SBF2: variants seen among roughly 807,000 people sequenced by gnomAD.
SBF2 encodes the protein myotubularin-related protein 13.
A neutral mutation model predicts 225.2 loss-of-function variants in SBF2; 112 were observed. The ratio of observed to expected loss-of-function variants is 0.50; its 90% confidence interval spans 0.43 to 0.58. The LOEUF is 0.58. Ranked by LOEUF, SBF2 falls within the 20% of genes least tolerant of loss-of-function variation. The pLI, the probability that SBF2 is intolerant of heterozygous loss-of-function variation, is 0.00. For missense variants in SBF2, 1,996 were observed against 2,206.2 expected (o/e 0.90, Z 1.91); for synonymous variants, 763 against 773.3 (o/e 0.99, Z 0.22).
In SBF2 at chr11:9,949,119, G is replaced by T. The variant is rs953252682; in HGVS notation, c.1860+12838C>A. On this transcript the variant is annotated intron_variant, in intron 16 of 39. Coordinates refer to ENST00000256190, the MANE Select transcript of SBF2 (RefSeq NM_030962.4). ...AAGAGAAAAGAAGAAGGAATGGGAG[G>T]GGGGAGAAGAAAGGTAGAAAGCACA... is the stretch of plus-strand genomic sequence containing the variant. 2.6e-5 allele frequency among the ~76,000 whole-genome samples: 4 copies of T among 152,028 alleles called. No individual in the cohort carries two copies. In the East Asian group the frequency reaches 5.8e-4, roughly 22 times the overall value.
chr11:9,850,887 G>T (rs1281889906), intron 21 of SBF2, among the ~76,000 whole-genome samples: 1 of 152,126 alleles, frequency 6.6e-6, no homozygotes, highest in Non-Finnish European at 1.5e-5. Context: ...TGTAATCCCA[G>T]CACTTTGGGA....
At chr11:10,110,359 T>C (rs1952778833) in intron 2 of SBF2, among the ~76,000 whole-genome samples, 1 of 152,156 alleles carries the variant, frequency 6.6e-6, no homozygotes, top group African/African-American at 2.4e-5. Context: ...TCCTCCATTT[T>C]TCTCGGTATT....
chr11:10,024,747 T>C (rs753358308), intron 6 of SBF2, among the ~76,000 whole-genome samples: 37 of 152,300 alleles, frequency 2.4e-4, no homozygotes, highest in Admixed American at 4.6e-4. Context: ...AAGGGGCTGA[T>C]ACAGGTAACA....
intron 29 of SBF2, among the ~76,000 whole-genome samples, chr11:9,815,579 G>C (rs532620260): frequency 6.6e-6 from 1 of 152,270 alleles, no homozygotes; most frequent in African/African-American, 2.4e-5. Flanking sequence ...AAATACGTAT[G>C]ATCACATAGC....
Position 9,789,160 on chromosome 11 carries a change from GCATGGCCACA to G in SBF2, c.4871_4880del (p.Val1624AlafsTer27). 1 of 1,614,138 alleles carries G rather than the reference GCATGGCCACA, an allele frequency of 6.2e-7. No individual in the cohort carries two copies. Reference sequence around the variant, plus strand: ...GCTGAGTACAGCTGACATCATCATAGCATGGCCACACTGTTCTCCTCTGGCTCCGTGGCCC... The same window carrying G: ...GCTGAGTACAGCTGACATCATCATAGCTGTTCTCCTCTGGCTCCGTGGCCC... On this transcript the variant is annotated frameshift_variant, in exon 35 of 40. Coordinates refer to ENST00000256190, the MANE Select transcript of SBF2 (RefSeq NM_030962.4). LOFTEE classifies it high-confidence loss of function.
At chr11:9,988,701 C>T (rs945996866) in intron 13 of SBF2, among the ~76,000 whole-genome samples, 10 of 151,994 alleles carry the variant, frequency 6.6e-5, no homozygotes, top group East Asian at 5.8e-4. Context: ...AGCCACAGCG[C>T]GATACCATCT....
intron 14 of SBF2, among the ~76,000 whole-genome samples, chr11:9,965,225 T>C (rs574097609): frequency 1.3e-5 from 2 of 152,182 alleles, no homozygotes; most frequent in East Asian, 3.9e-4. Flanking sequence ...AGAAAGACTA[T>C]CATATTTTAC....
At chr11:9,784,510 C>G in intron 37 of SBF2, 72 bp from the exon 38 acceptor site, 1 of 1,211,794 alleles carries the variant, frequency 8.3e-7, no homozygotes, top group East Asian at 2.4e-5. Flanking sequence ...GAGGGGATAT[C>G]TGTTGTTTTT....
chr11:9,873,877 C>T (rs774044188), intron 17 of SBF2, among the ~76,000 whole-genome samples: 8 of 151,902 alleles, frequency 5.3e-5, no homozygotes, highest in South Asian at 2.1e-4. Flanking sequence ...GGTGACACCC[C>T]GTCTCTACTA....
chr11:9,867,324 G>A (rs1858313247), intron 17 of SBF2, among the ~76,000 whole-genome samples: 1 of 151,926 alleles, frequency 6.6e-6, no homozygotes, highest in Non-Finnish European at 1.5e-5. Flanking sequence ...CAGTTAAATT[G>A]AAAAACACAA....
intron 3 of SBF2, among the ~76,000 whole-genome samples, chr11:10,037,957 A>T (rs1949509782): frequency 6.6e-6 from 1 of 151,828 alleles, no homozygotes; most frequent in South Asian, 2.1e-4. Flanking sequence ...CTATGTTTAA[A>T]TTTTTTTCTT....
chr11:10,242,663 A>G (rs55879783), intron 1 of SBF2, among the ~76,000 whole-genome samples: 29,877 of 152,062 alleles, frequency 0.2, 3,110 homozygotes, highest in Middle Eastern at 0.26. Flanking sequence ...TTTCATACAA[A>G]TGGTAGCCAA....
At chr11:9,825,903 G>T (rs1215631266) in intron 28 of SBF2, among the ~76,000 whole-genome samples, 1 of 152,186 alleles carries the variant, frequency 6.6e-6, no homozygotes, top group East Asian at 1.9e-4. Context: ...CAGTATAGAT[G>T]AACAGACTGA....
At chr11:9,933,915 A>G (rs1366234528) in intron 16 of SBF2, among the ~76,000 whole-genome samples, 1 of 152,132 alleles carries the variant, frequency 6.6e-6, no homozygotes, top group African/African-American at 2.4e-5. Flanking sequence ...GACTGCTAGC[A>G]AGACTAATAA....
chr11:10,029,239 G>C (rs1352003734), intron 5 of SBF2, among the ~76,000 whole-genome samples: 1 of 152,144 alleles, frequency 6.6e-6, no homozygotes, highest in Non-Finnish European at 1.5e-5. Context: ...CATAGCAGCA[G>C]AGATTCTTAT....
At chr11:9,965,987 T>C (rs1565069651) in intron 14 of SBF2, among the ~76,000 whole-genome samples, 3 of 152,256 alleles carry the variant, frequency 2.0e-5, no homozygotes, top group Non-Finnish European at 4.4e-5. Context: ...GAGAGAGCAA[T>C]GTGTTTATGT....
intron 1 of SBF2, among the ~76,000 whole-genome samples, chr11:10,274,426 G>C (rs1371220000): frequency 6.6e-6 from 1 of 152,108 alleles, no homozygotes; most frequent in African/African-American, 2.4e-5. Flanking sequence ...ATTTTATTAA[G>C]AGAATTAGAA....
intron 21 of SBF2, among the ~76,000 whole-genome samples, chr11:9,852,207 G>C (rs1437925827): frequency 6.6e-6 from 1 of 152,188 alleles, no homozygotes; most frequent in Non-Finnish European, 1.5e-5. Context: ...GACATGTTCT[G>C]GGGTACTCCA....
intron 16 of SBF2, among the ~76,000 whole-genome samples, chr11:9,954,955 T>C (rs751409153): frequency 3.9e-5 from 6 of 152,110 alleles, no homozygotes; most frequent in African/African-American, 7.2e-5. Context: ...TTAGGACTTC[T>C]AGAGACCTTA....
Sources: allele counts gnomAD v4.1 joint callset (sites outside exome capture counted in the v4.1 genomes callset), GRCh38; gene constraint gnomAD v4.1.1; transcripts MANE v1.5; gene names NCBI Gene and HGNC (gene_info 2026-07-23, HGNC 2026-07-21).